Variants in RGPD2 observed in about 807,000 individuals in gnomAD.
RGPD2 encodes the protein RANBP2 like and GRIP domain containing 2, also known as RANBP2-like and GRIP domain-containing protein 2.
In RGPD2, 2 loss-of-function variants were observed where a neutral mutation model predicts 36.0. That is an observed-to-expected ratio of 0.06 (90% CI 0.02 to 0.17). The LOEUF (loss-of-function observed/expected upper bound fraction) is 0.17, where lower values mean the gene tolerates loss of function less well. RGPD2 is among the 10% of genes least tolerant of loss of function. RGPD2 has a pLI of 1.00. For missense variants in RGPD2, 40 were observed against 464.3 expected (o/e 0.09, Z 8.40); for synonymous variants, 19 against 163.8 (o/e 0.12, Z 6.75).
chr2:87,916,964 G>A, the RGPD2 span, among the ~76,000 whole-genome samples: 1 of 152,094 alleles, frequency 6.6e-6, no homozygotes, highest in South Asian at 2.1e-4. Context: ...TGTGACAATG[G>A]AGTGATTTTA....
chr2:87,884,076 A>G, the RGPD2 span, among the ~76,000 whole-genome samples: 2 of 152,168 alleles, frequency 1.3e-5, no homozygotes, highest in Admixed American at 6.5e-5. Flanking sequence ...CATTGAAATA[A>G]AAAGAAATCA....
the RGPD2 span, among the ~76,000 whole-genome samples, chr2:87,902,099 G>A: frequency 6.6e-6 from 1 of 152,116 alleles, no homozygotes; most frequent in Non-Finnish European, 1.5e-5. Context: ...CAGAGAATGT[G>A]AAAACAGTAT....
rs546329922 is a variant in RGPD2, at chr2:87,825,743, T to C, written c.-14A>G. 60 of 1,593,414 alleles carry C rather than the reference T, an allele frequency of 3.8e-5. No individual in the cohort carries two copies. Among genetic ancestry groups the C allele is most frequent in the Non-Finnish European group, 5.0e-5 (59 of 1,170,484 alleles). ...GCTGCGCCTCATCGCACCGCCAACC[T>C]GGCTCCCGAGACGCGTGAAACCAGC... On this transcript the variant is annotated 5_prime_UTR_variant, in exon 1 of 23. Coordinates refer to ENST00000398146, the MANE Select transcript of RGPD2 (RefSeq NM_001078170.3).
At chr2:87,762,089 T>C (rs1212257794) in intron 22 of RGPD2, among the ~76,000 whole-genome samples, 1 of 147,042 alleles carries the variant, frequency 6.8e-6, no homozygotes, top group Non-Finnish European at 1.5e-5. Flanking sequence ...ATGATTTTAT[T>C]ACCTGTCTTT....
the RGPD2 span, among the ~76,000 whole-genome samples, chr2:87,988,316 T>A: frequency 7.6e-6 from 1 of 132,440 alleles, no homozygotes; most frequent in Non-Finnish European, 1.6e-5. Context: ...TGATTGTATT[T>A]TGACAATAAT....
chr2:87,867,717 A>G, the RGPD2 span, among the ~76,000 whole-genome samples: 3,722 of 150,960 alleles, frequency 0.025, 39 homozygotes, highest in African/African-American at 0.084. Context: ...TTGAGAATTT[A>G]ACAAGCATTG....
chr2:87,799,134 C>T (rs1194401788), intron 8 of RGPD2, among the ~76,000 whole-genome samples: 3 of 151,402 alleles, frequency 2.0e-5, no homozygotes, highest in Admixed American at 6.6e-5. Context: ...TTTGGGAGGC[C>T]GAGGCGGGCA....
rs1258332421 is a variant in RGPD2 at position 87,781,796 on chromosome 2, GAACA to G, written c.4900+324_4900+327del. Among the ~76,000 whole-genome samples the G allele has an allele frequency of 3.9e-5, 4 of 102,134 alleles. No individual in the cohort carries two copies. In the South Asian group the frequency reaches 1.1e-3, roughly 28 times the overall value. 67.0% of individuals were successfully genotyped at this position (102,134 alleles called of 152,430 possible). On this transcript the variant is annotated intron_variant, in intron 20 of 22. Transcript: ENST00000398146. ...TGTTTTCTGAGTGACAAAAGAAACAGAACAAATGAAAATGAACACTTTAAAAAAA... is the reference window on the plus strand; with the variant it reads ...TGTTTTCTGAGTGACAAAAGAAACAGAATGAAAATGAACACTTTAAAAAAA...
chr2:87,856,772 A>G, the RGPD2 span, among the ~76,000 whole-genome samples: 3 of 152,278 alleles, frequency 2.0e-5, no homozygotes, highest in South Asian at 6.2e-4. Context: ...ATAGCTATGT[A>G]TACTCACAGT....
At chr2:87,988,322 A>T in the RGPD2 span, among the ~76,000 whole-genome samples, 1 of 132,722 alleles carries the variant, frequency 7.5e-6, no homozygotes, top group Non-Finnish European at 1.6e-5. Context: ...TATTTTGACA[A>T]TAATATTAAG....
chr2:87,952,771 A>T, the RGPD2 span, among the ~76,000 whole-genome samples: 2 of 152,346 alleles, frequency 1.3e-5, no homozygotes, highest in Non-Finnish European at 2.9e-5. Context: ...TCGTTGTGTA[A>T]TTAGAAGACA....
the RGPD2 span, among the ~76,000 whole-genome samples, chr2:87,842,309 C>A: frequency 6.8e-6 from 1 of 146,008 alleles, no homozygotes; most frequent in Non-Finnish European, 1.5e-5. Context: ...ATCTAGAAAA[C>A]CACATCGTCT....
chr2:87,961,356 C>T, the RGPD2 span, among the ~76,000 whole-genome samples: 5 of 151,956 alleles, frequency 3.3e-5, no homozygotes, highest in African/African-American at 1.2e-4. Context: ...TTGGCGACGT[C>T]GGCGCTCGAG....
chr2:87,887,226 C>T, the RGPD2 span, among the ~76,000 whole-genome samples: 1 of 151,860 alleles, frequency 6.6e-6, no homozygotes, highest in South Asian at 2.1e-4. Flanking sequence ...TAATACCTCA[C>T]TCTGGTTTGC....
the RGPD2 span, among the ~76,000 whole-genome samples, chr2:87,978,914 C>A: frequency 1.5e-5 from 2 of 131,680 alleles, no homozygotes; most frequent in Non-Finnish European, 3.4e-5. Context: ...GACACCCCGT[C>A]TCTTAAAAAA....
the RGPD2 span, among the ~76,000 whole-genome samples, chr2:87,834,809 T>A: frequency 3.9e-5 from 6 of 151,948 alleles, no homozygotes; most frequent in East Asian, 5.8e-4. Flanking sequence ...TGAGGATTTT[T>A]AAAAAAATGG....
chr2:87,975,060 A>C, the RGPD2 span, among the ~76,000 whole-genome samples: 1 of 152,024 alleles, frequency 6.6e-6, no homozygotes, highest in Non-Finnish European at 1.5e-5. Context: ...TTCTCTTATT[A>C]TTCTCTGGCC....
the RGPD2 span, chr2:87,985,588 A>G: frequency 1.2e-6 from 1 of 805,616 alleles, no homozygotes; most frequent in Non-Finnish European, 2.1e-6. Context: ...TTTACAACAT[A>G]TAGATACAAT....
chr2:87,829,608 A>G (rs1686920877), upstream of RGPD2, among the ~76,000 whole-genome samples: 1 of 151,766 alleles, frequency 6.6e-6, no homozygotes, highest in Non-Finnish European at 1.5e-5. Flanking sequence ...AGAAGGCAGC[A>G]GGCAAGAGAG....
Sources: gnomAD v4.1 joint callset for allele counts (sites outside exome capture counted in the v4.1 genomes callset) on GRCh38, gnomAD v4.1.1 for gene constraint, MANE v1.5 for transcripts, NCBI Gene and HGNC (gene_info 2026-07-23, HGNC 2026-07-21) for gene names.